The following TP73 variants were observed in gnomAD, a reference collection of about 807,000 sequenced individuals.
TP73 encodes p53-like transcription factor.
A neutral mutation model predicts 62.5 loss-of-function variants in TP73; 25 were observed. The observed-to-expected ratio is 0.40, with a 90% CI of 0.29 to 0.56. The LOEUF (loss-of-function observed/expected upper bound fraction) is 0.56. TP73 is among the 20% of genes least tolerant of loss of function. The pLI is 0.46. For synonymous variants in TP73, 423 were observed against 377.5 expected, an observed-to-expected ratio of 1.12 and a Z score of -1.40; for missense variants, 754 against 913.3, an observed-to-expected ratio of 0.83 and a Z score of 2.25.
rs759017110 is a variant in TP73, at chr1:3,723,475, C to T, written c.732+6C>T. On this transcript the variant is annotated splice_donor_region_variant and intron_variant, in intron 6 of 13. Coordinates refer to ENST00000378295, the MANE Select transcript of TP73 (RefSeq NM_005427.4). The stretch of plus-strand genomic sequence containing the variant: ...TGCCCTATGAGCCACCACAGGTAGG[C>T]CAGGAGCCAGGCTGTGCCCAGGGCC... The T allele has an allele frequency of 1.9e-6, 3 of 1,603,326 alleles. No homozygotes were observed. The East Asian group carries it at 6.7e-5, about 36-fold the overall frequency.
rs753896090 is a variant in TP73, at chr1:3,707,622, C to T, written c.260C>T (p.Pro87Leu). Residue 87 changes from proline (P) to leucine (L), a missense_variant, in exon 4 of 14, where the codon CCA (proline) becomes CTA (leucine). Transcript: ENST00000378295. Reference sequence around the variant, plus strand: ...GCGGCCTCGGCCAGCCCCTACACCCCAGAGCACGCCGCCAGCGTGCCCACC... The same window carrying T: ...GCGGCCTCGGCCAGCCCCTACACCCTAGAGCACGCCGCCAGCGTGCCCACC... ...SRAASASPYT[P>L]EHAASVPTHS... 1.9e-6 allele frequency: 3 copies of T among 1,612,976 alleles called. No individual in the cohort carries two copies. Among genetic ancestry groups the T allele is most frequent in the Admixed American group, 3.3e-5 (2 of 60,026 alleles).
At chr1:3,690,609 C>G in intron 3 of TP73, 1 of 1,288,428 alleles carries the variant, frequency 7.8e-7, no homozygotes, top group Non-Finnish European at 9.9e-7. Flanking sequence ...CAAGCTGAGG[C>G]CTGCCCCGGA....
intron 4 of TP73, among the ~76,000 whole-genome samples, chr1:3,720,030 C>G (rs1640945627): frequency 6.6e-6 from 1 of 152,036 alleles, no homozygotes; most frequent in South Asian, 2.1e-4. Context: ...ATTCTCCTGC[C>G]TCCTGCCTCA....
At chr1:3,681,036 G>C (rs568958354) in intron 1 of TP73, among the ~76,000 whole-genome samples, 1 of 152,240 alleles carries the variant, frequency 6.6e-6, no homozygotes, top group Non-Finnish European at 1.5e-5. Context: ...GGGAGAGGTG[G>C]CTTGGGCCAG....
rs551899261 is a variant in TP73, at chr1:3,666,052, A to G, written c.-34+13411A>G. 2.2e-5 allele frequency among the ~76,000 whole-genome samples: 3 copies of G among 137,820 alleles called. No homozygotes were observed. In the South Asian group the frequency reaches 7.1e-4, roughly 33 times the overall value. The allele number at this position is 137,820 out of a possible 152,430, so 90.4% of individuals were successfully genotyped here. On this transcript the variant is annotated intron_variant, in intron 1 of 13. Coordinates refer to ENST00000378295, the MANE Select transcript of TP73 (RefSeq NM_005427.4). The surrounding 1 kb of genome is among the most constrained non-coding windows in gnomAD (Gnocchi z 6.4). Reference sequence around the variant, plus strand: ...CAGGAGAATCGCTTTTGAAGCCAGGAGGCGGAGTTTGTGGTGAGCTGAGAT... The same window carrying G: ...CAGGAGAATCGCTTTTGAAGCCAGGGGGCGGAGTTTGTGGTGAGCTGAGAT...
chr1:3,721,669 G>C (rs60858253), intron 4 of TP73, among the ~76,000 whole-genome samples: 2,749 of 152,274 alleles, frequency 0.018, 92 homozygotes, highest in African/African-American at 0.062. Context: ...CCCAGCCCCC[G>C]TTCCCGCCCT....
At chr1:3,711,080 G>T (rs370753117) in intron 4 of TP73, among the ~76,000 whole-genome samples, 62 of 152,370 alleles carry the variant, frequency 4.1e-4, no homozygotes, top group African/African-American at 1.2e-3. Flanking sequence ...TCCCAGAGCT[G>T]CCCGTGAGCA....
intron 3 of TP73, among the ~76,000 whole-genome samples, chr1:3,697,292 G>A (rs577263584): frequency 4.1e-4 from 63 of 152,306 alleles, no homozygotes; most frequent in African/African-American, 1.4e-3. Context: ...TTGCAGCCCC[G>A]GGCGTCTCTG....
At chr1:3,711,839 C>CGTGTGTGT (rs533054348) in intron 4 of TP73, among the ~76,000 whole-genome samples, 26,226 of 145,920 alleles carry the variant, frequency 0.18, 2,781 homozygotes, top group East Asian at 0.26. Context: ...TGTGCGCGAG[C>CGTGTGTGT]GTGTGTATGT....
At chr1:3,706,121 C>T (rs969224412) in intron 3 of TP73, among the ~76,000 whole-genome samples, 5 of 152,194 alleles carry the variant, frequency 3.3e-5, no homozygotes, top group African/African-American at 9.6e-5. Context: ...CCCCCGCCCC[C>T]GGCCCGCCTC....
chr1:3,711,936 C>A (rs949392218), intron 4 of TP73, among the ~76,000 whole-genome samples: 3 of 152,052 alleles, frequency 2.0e-5, no homozygotes, highest in Non-Finnish European at 4.4e-5. Context: ...GCCCCCCGTC[C>A]AGGAGGGACA....
At chr1:3,691,287 A>G (rs1192567545) in intron 3 of TP73, among the ~76,000 whole-genome samples, 1 of 152,168 alleles carries the variant, frequency 6.6e-6, no homozygotes. Flanking sequence ...GGCTTGGTCC[A>G]GGCTCAGAGT....
chr1:3,664,723 G>T (rs1645072899), intron 1 of TP73, among the ~76,000 whole-genome samples: 1 of 152,268 alleles, frequency 6.6e-6, no homozygotes, highest in African/African-American at 2.4e-5. Context: ...GAGATGGTTG[G>T]GGGGCAGGGG....
intron 3 of TP73, among the ~76,000 whole-genome samples, chr1:3,700,899 C>T (rs181838010): frequency 8.9e-4 from 136 of 152,320 alleles, no homozygotes; most frequent in African/African-American, 1.1e-3. Context: ...AGAACCCATG[C>T]GGCGGGAGGG....
rs1385846584 is a variant in TP73 at position 3,719,871 on chromosome 1, T to C, written c.430-2150T>C. 2.0e-5 allele frequency among the ~76,000 whole-genome samples: 3 copies of C among 151,394 alleles called. No individual in the cohort carries two copies. In the Admixed American group the frequency reaches 2.0e-4, roughly 10 times the overall value. On this transcript the variant is annotated intron_variant, in intron 4 of 13. Coordinates refer to ENST00000378295, the MANE Select transcript of TP73 (RefSeq NM_005427.4). ...GCTGCTAGCTCTGCAAGGCTGTTTC[T>C]GCTTTTCTTTTTTTCTCTTTGTGTG...
rs546063275 is a variant in TP73, at chr1:3,666,273, C to G, written c.-34+13632C>G. Among the ~76,000 whole-genome samples, 85 of 152,218 alleles carry G rather than the reference C, an allele frequency of 5.6e-4. No individual in the cohort carries two copies. Among genetic ancestry groups the G allele is most frequent in the African/African-American group, 2.0e-3 (85 of 41,532 alleles). ...ATCCTCTTGCCTGTGTCCTGAGTAG[C>G]TGTGACCATAGACACACACCACCAC... is the stretch of plus-strand genomic sequence containing the variant. On this transcript the variant is annotated intron_variant, in intron 1 of 13. Coordinates refer to ENST00000378295, the MANE Select transcript of TP73 (RefSeq NM_005427.4). This position sits in a 1 kb window ranked among gnomAD's most constrained non-coding sequence, Gnocchi z 6.4.
intron 9 of TP73, among the ~76,000 whole-genome samples, chr1:3,728,859 C>T (rs1021113579): frequency 1.3e-5 from 2 of 152,154 alleles, no homozygotes; most frequent in East Asian, 1.9e-4. Flanking sequence ...GTCCCAGCTA[C>T]TCAGAAGACT....
In TP73 at chr1:3,736,091, A is replaced by T. The variant is rs958641852; in HGVS notation, c.*3012A>T. 5.3e-5 allele frequency: 8 copies of T among 152,264 alleles called. No individual in the cohort carries two copies. Among genetic ancestry groups the T allele is most frequent in the Non-Finnish European group, 1.0e-4 (7 of 68,052 alleles). The allele number at this position is 152,264 out of a possible 1,614,324, so 9.4% of individuals were successfully genotyped here. ...CAGTATTAATGGACGCCCTCCAATGACATAACAACTGTTTTTGGTAATGTA... is the reference window on the plus strand; with the variant it reads ...CAGTATTAATGGACGCCCTCCAATGTCATAACAACTGTTTTTGGTAATGTA... On this transcript the variant is annotated 3_prime_UTR_variant, in exon 14 of 14. Transcript: ENST00000378295.
rs1282153506 is a variant in TP73 at position 3,666,591 on chromosome 1, C to T, written c.-34+13950C>T. ...CGGGGGGCTTTTAATGGTCCCTCTG[C>T]TGGCTCCCTCCCCACCACCTCCTGC... On this transcript the variant is annotated intron_variant, in intron 1 of 13. Transcript: ENST00000378295. This position sits in a 1 kb window ranked among gnomAD's most constrained non-coding sequence, Gnocchi z 6.4. Among the ~76,000 whole-genome samples the T allele has an allele frequency of 1.3e-5, 2 of 152,098 alleles. No individual in the cohort carries two copies. The highest frequency in any genetic ancestry group is 2.9e-5 in the Non-Finnish European group (2 of 68,018).
Sources: allele counts gnomAD v4.1 joint callset (sites outside exome capture counted in the v4.1 genomes callset), GRCh38; gene constraint gnomAD v4.1.1; non-coding constraint Gnocchi (gnomAD v3.1); transcripts MANE v1.5; gene names NCBI Gene and HGNC (gene_info 2026-07-23, HGNC 2026-07-21).